Variants in PDE8B observed in about 807,000 individuals in gnomAD.
PDE8B encodes high affinity cAMP-specific and IBMX-insensitive 3',5'-cyclic phosphodiesterase 8B.
A neutral mutation model predicts 101.3 loss-of-function variants in PDE8B; 26 were observed. The observed-to-expected ratio is 0.26, with a 90% CI of 0.19 to 0.36. PDE8B has a LOEUF of 0.36. Among genes scored for constraint, PDE8B ranks in the 10% least tolerant of loss-of-function variants. The pLI is 1.00. For missense variants in PDE8B, 810 were observed against 1,163.1 expected (o/e 0.70, Z 4.42); for synonymous variants, 424 against 429.3 (o/e 0.99, Z 0.15).
chr5:77,089,112 G>A, the PDE8B span, among the ~76,000 whole-genome samples: 1 of 150,246 alleles, frequency 6.7e-6, no homozygotes, highest in Admixed American at 6.5e-5. Context: ...GAACCTGGTG[G>A]CACAGCAGGA....
At chr5:77,152,494 C>G in the PDE8B span, among the ~76,000 whole-genome samples, 1 of 152,142 alleles carries the variant, frequency 6.6e-6, no homozygotes, top group Non-Finnish European at 1.5e-5. Context: ...CTGCACCCAG[C>G]TCTGGAGACT....
intron 10 of PDE8B, among the ~76,000 whole-genome samples, chr5:77,381,628 A>C (rs984134002): frequency 6.7e-6 from 1 of 149,520 alleles, no homozygotes; most frequent in Non-Finnish European, 1.5e-5. Flanking sequence ...GTTTTTTTTT[A>C]AATAAAAGGT....
intron 9 of PDE8B, among the ~76,000 whole-genome samples, chr5:77,352,419 A>G (rs1781327448): frequency 6.6e-6 from 1 of 152,256 alleles, no homozygotes; most frequent in Non-Finnish European, 1.5e-5. Context: ...AACAGAATAC[A>G]CTTTTCTGGT....
At chr5:77,387,038 C>T (rs60795888) in intron 10 of PDE8B, among the ~76,000 whole-genome samples, 5,881 of 150,052 alleles carry the variant, frequency 0.039, 382 homozygotes, top group African/African-American at 0.13. Flanking sequence ...CGCCCGCCAC[C>T]GCGCCCGGCT....
intron 2 of PDE8B, among the ~76,000 whole-genome samples, chr5:77,313,189 A>C (rs1773065226): frequency 6.6e-6 from 1 of 152,236 alleles, no homozygotes; most frequent in Non-Finnish European, 1.5e-5. Context: ...CATATAGATG[A>C]AAGTGAAAAA....
In PDE8B at chr5:77,221,462, T is replaced by C. The variant is rs995068532; in HGVS notation, c.339+10198T>C. Among the ~76,000 whole-genome samples the C allele has an allele frequency of 8.5e-5, 13 of 152,310 alleles. No individual in the cohort carries two copies. In the South Asian group the frequency reaches 1.0e-3, roughly 12 times the overall value. On this transcript the variant is annotated intron_variant, in intron 1 of 21. Transcript: ENST00000264917. ...TTTGATTGGATTATACTAAGTTTTG[T>C]AGGGTGGAGGTTGTCTCTTTTCTGT... is the stretch of plus-strand genomic sequence containing the variant.
the PDE8B span, among the ~76,000 whole-genome samples, chr5:77,137,373 A>G: frequency 3.9e-5 from 6 of 152,188 alleles, no homozygotes; most frequent in African/African-American, 1.4e-4. Context: ...TGAGCTGGGA[A>G]AGAGCTCTTT....
intron 1 of PDE8B, among the ~76,000 whole-genome samples, chr5:77,288,178 C>G (rs1022206522): frequency 2.0e-5 from 3 of 152,182 alleles, no homozygotes; most frequent in Non-Finnish European, 4.4e-5. Flanking sequence ...CAGGTCAATT[C>G]TGTTCCTAGA....
the PDE8B span, chr5:77,146,276 A>G: frequency 6.6e-6 from 1 of 152,188 alleles, no homozygotes; most frequent in Admixed American, 6.5e-5. Flanking sequence ...AGGGACACAA[A>G]TCATTGGAGG....
the PDE8B span, among the ~76,000 whole-genome samples, chr5:77,124,797 A>G: frequency 6.6e-6 from 1 of 152,188 alleles, no homozygotes; most frequent in Non-Finnish European, 1.5e-5. Flanking sequence ...ATGACACAGG[A>G]AAAGAAGCTA....
chr5:77,104,534 A>C, the PDE8B span: 1 of 152,134 alleles, frequency 6.6e-6, no homozygotes, highest in African/African-American at 2.4e-5. Flanking sequence ...GGACTCAATG[A>C]TCACCCGCTC....
At chr5:77,180,388 G>A in the PDE8B span, 3 of 963,464 alleles carry the variant, frequency 3.1e-6, no homozygotes, top group Non-Finnish European at 3.7e-6. Context: ...GGTGCCCTCT[G>A]TGCGGGGCTA....
intron 4 of PDE8B, among the ~76,000 whole-genome samples, chr5:77,331,138 T>C (rs574691842): frequency 2.6e-5 from 4 of 152,348 alleles, no homozygotes; most frequent in African/African-American, 9.6e-5. Flanking sequence ...GCAGCTGAGT[T>C]GGAAAGGGCC....
the PDE8B span, among the ~76,000 whole-genome samples, chr5:77,102,413 G>T: frequency 6.6e-6 from 1 of 152,150 alleles, no homozygotes; most frequent in Admixed American, 6.5e-5. Context: ...CTCCAATTTA[G>T]TTTGGTTTTG....
chr5:77,087,407 T>C, the PDE8B span: 1 of 152,266 alleles, frequency 6.6e-6, no homozygotes, highest in African/African-American at 2.4e-5. Flanking sequence ...AATGTAACTA[T>C]TGTTTTACAA....
At chr5:77,125,458 TA>T in the PDE8B span, among the ~76,000 whole-genome samples, 1 of 152,214 alleles carries the variant, frequency 6.6e-6, no homozygotes, top group Non-Finnish European at 1.5e-5. Flanking sequence ...ATTCCACTCC[TA>T]AGTATATGCC....
the PDE8B span, chr5:77,165,638 T>C: frequency 1.3e-5 from 2 of 152,218 alleles, no homozygotes; most frequent in Admixed American, 1.3e-4. Context: ...TTGTACCTCA[T>C]GGGCTAAACC....
intron 1 of PDE8B, among the ~76,000 whole-genome samples, chr5:77,221,934 C>T (rs1422685997): frequency 1.3e-5 from 2 of 152,192 alleles, no homozygotes; most frequent in Non-Finnish European, 2.9e-5. Flanking sequence ...GGGGACTCCA[C>T]TGACCACCCT....
intron 10 of PDE8B, among the ~76,000 whole-genome samples, chr5:77,383,566 C>T (rs1465570821): frequency 6.6e-6 from 1 of 152,188 alleles, no homozygotes; most frequent in Non-Finnish European, 1.5e-5. Context: ...ATGCCTATGT[C>T]ATGAATGGTA....
Sources: allele counts gnomAD v4.1 joint callset (sites outside exome capture counted in the v4.1 genomes callset), GRCh38; gene constraint gnomAD v4.1.1; transcripts MANE v1.5; gene names NCBI Gene and HGNC (gene_info 2026-07-23, HGNC 2026-07-21).